Variants in LHFPL2 observed in about 807,000 individuals in gnomAD.
The protein encoded by LHFPL2 is LHFPL tetraspan subfamily member 2 protein.
In LHFPL2, 7 loss-of-function variants were observed where a neutral mutation model predicts 17.5. The observed-to-expected ratio is 0.40, with a 90% CI of 0.23 to 0.75. LHFPL2 has a LOEUF of 0.75. Among genes scored for constraint, LHFPL2 ranks in the 30% least tolerant of loss-of-function variants. LHFPL2 has a pLI of 0.37. For missense variants in LHFPL2, 241 were observed against 294.8 expected (o/e 0.82, Z 1.34); for synonymous variants, 134 against 116.2 (o/e 1.15, Z -0.99).
At chr5:78,581,419 G>A (rs1743133138) in intron 2 of LHFPL2, among the ~76,000 whole-genome samples, 1 of 152,138 alleles carries the variant, frequency 6.6e-6, no homozygotes, top group South Asian at 2.1e-4. Context: ...TATGATATTG[G>A]CTGTGGGTTT....
At chr5:78,597,747 C>T (rs1407696094) in intron 2 of LHFPL2, among the ~76,000 whole-genome samples, 1 of 152,122 alleles carries the variant, frequency 6.6e-6, no homozygotes, top group Non-Finnish European at 1.5e-5. Context: ...TGGTATGTTA[C>T]AGGAATAAGA....
At chr5:78,606,931 C>T (rs187495694) in intron 2 of LHFPL2, among the ~76,000 whole-genome samples, 2 of 151,654 alleles carry the variant, frequency 1.3e-5, no homozygotes, top group Non-Finnish European at 2.9e-5. Flanking sequence ...CCCGCCTTGG[C>T]CTCCCAAAGT....
chr5:78,523,907 C>T (rs1561320848), intron 3 of LHFPL2, among the ~76,000 whole-genome samples: 2 of 152,092 alleles, frequency 1.3e-5, no homozygotes, highest in African/African-American at 2.4e-5. Flanking sequence ...AGAATGTGAA[C>T]AATACAATGG....
At chr5:78,645,829 C>T (rs1469227652) in intron 1 of LHFPL2, among the ~76,000 whole-genome samples, 1 of 152,314 alleles carries the variant, frequency 6.6e-6, no homozygotes, top group African/African-American at 2.4e-5. Flanking sequence ...GATCCACCCA[C>T]CTCAGCCCCC....
At chr5:78,600,739 A>C (rs1387631805) in intron 2 of LHFPL2, among the ~76,000 whole-genome samples, 1 of 152,178 alleles carries the variant, frequency 6.6e-6, no homozygotes, top group Non-Finnish European at 1.5e-5. Flanking sequence ...AAAATAAATA[A>C]ATAAAGCTTT....
At chr5:78,599,858 C>A (rs1216064227) in intron 2 of LHFPL2, among the ~76,000 whole-genome samples, 1 of 152,030 alleles carries the variant, frequency 6.6e-6, no homozygotes, top group Non-Finnish European at 1.5e-5. Context: ...AACTATTCCC[C>A]AAATTATTGG....
chr5:78,515,376 T>A (rs2112332625), intron 3 of LHFPL2, among the ~76,000 whole-genome samples: 1 of 152,338 alleles, frequency 6.6e-6, no homozygotes, highest in Non-Finnish European at 1.5e-5. Flanking sequence ...TGATTTCATT[T>A]CAACTTGTTC....
At chr5:78,608,147 C>T (rs940698544) in intron 2 of LHFPL2, among the ~76,000 whole-genome samples, 4 of 152,186 alleles carry the variant, frequency 2.6e-5, no homozygotes, top group Admixed American at 2.6e-4. Context: ...AAAACCCTCA[C>T]AGACTGAAAG....
chr5:78,583,706 G>T (rs1332573001), intron 2 of LHFPL2, among the ~76,000 whole-genome samples: 12 of 151,974 alleles, frequency 7.9e-5, no homozygotes, highest in African/African-American at 2.9e-4. Context: ...CTCTCTGGCT[G>T]CCCTTAACAT....
intron 1 of LHFPL2, among the ~76,000 whole-genome samples, chr5:78,645,548 A>G (rs1300092846): frequency 8.3e-4 from 16 of 19,248 alleles, no homozygotes; most frequent in African/African-American, 2.9e-3. Context: ...ATGCATACAC[A>G]CACACACACA....
intron 1 of LHFPL2, among the ~76,000 whole-genome samples, chr5:78,635,599 G>T: frequency 6.6e-6 from 1 of 152,180 alleles, no homozygotes; most frequent in Non-Finnish European, 1.5e-5. Flanking sequence ...TCAGGAGATC[G>T]AGACCATCCT....
intron 1 of LHFPL2, among the ~76,000 whole-genome samples, chr5:78,642,710 G>T (rs916974559): frequency 6.6e-6 from 1 of 152,026 alleles, no homozygotes; most frequent in Non-Finnish European, 1.5e-5. Flanking sequence ...CCCACTTTTT[G>T]CTGGACATCT....
At chr5:78,553,502 T>A (rs182928252) in intron 3 of LHFPL2, among the ~76,000 whole-genome samples, 29 of 152,326 alleles carry the variant, frequency 1.9e-4, no homozygotes, top group African/African-American at 6.7e-4. Context: ...TCTAAGTGAT[T>A]AAATATCTGT....
chr5:78,618,773 T>C (rs1194712338), intron 2 of LHFPL2, among the ~76,000 whole-genome samples: 1 of 152,124 alleles, frequency 6.6e-6, no homozygotes, highest in Non-Finnish European at 1.5e-5. Context: ...AGCCATACCG[T>C]ATATAAATTC....
chr5:78,563,179 G>A (rs953526314), intron 3 of LHFPL2, among the ~76,000 whole-genome samples: 10 of 152,146 alleles, frequency 6.6e-5, no homozygotes, highest in African/African-American at 2.4e-4. Flanking sequence ...CAACCCCAGT[G>A]TCATCTAGCT....
Position 78,510,307 on chromosome 5 carries a change from G to A in LHFPL2, c.-94C>T, listed in dbSNP as rs898611731. 3.9e-6 allele frequency: 5 copies of A among 1,267,870 alleles called. No individual in the cohort carries two copies. The African/African-American group carries it at 7.5e-5, about 19-fold the overall frequency. The allele number at this position is 1,267,870 out of a possible 1,614,324, so 78.5% of individuals were successfully genotyped here. A position where few individuals can be genotyped will look rare whatever the true frequency, so the allele number is the denominator to read the frequency against. ...AAGGAGGCTCGGGCGGCCCGGGAAGGAAGTCGCAGCTGCAGTCATTCACTC... is the reference window on the plus strand; with the variant it reads ...AAGGAGGCTCGGGCGGCCCGGGAAGAAAGTCGCAGCTGCAGTCATTCACTC... On this transcript the variant is annotated 5_prime_UTR_variant, in exon 4 of 5. Transcript: ENST00000380345.
Position 78,568,580 on chromosome 5 carries a change from G to A in LHFPL2, c.-244-3709C>T, listed in dbSNP as rs115141895. Reference sequence around the variant, plus strand: ...TGTTTCATGTTACTCTGTAAAACTAGAACCAAGGAGTGAAAATTACCTTGG... The same window carrying A: ...TGTTTCATGTTACTCTGTAAAACTAAAACCAAGGAGTGAAAATTACCTTGG... On this transcript the variant is annotated intron_variant, in intron 2 of 4. Transcript: ENST00000380345. Among the ~76,000 whole-genome samples the A allele has an allele frequency of 2.6e-3, 390 of 152,328 alleles. 2 individuals carry two copies. The highest frequency in any genetic ancestry group is 9.1e-3 in the African/African-American group (378 of 41,578).
At chr5:78,519,872 C>T (rs142927215) in intron 3 of LHFPL2, among the ~76,000 whole-genome samples, 139 of 152,338 alleles carry the variant, frequency 9.1e-4, no homozygotes, top group African/African-American at 3.2e-3. Flanking sequence ...AGGTAATTAG[C>T]CTTTCCTTCA....
intron 3 of LHFPL2, among the ~76,000 whole-genome samples, chr5:78,539,415 C>T (rs371328133): frequency 1.3e-5 from 2 of 152,174 alleles, no homozygotes; most frequent in African/African-American, 4.8e-5. Context: ...AGCCTGTTTC[C>T]TTATCTGTGA....
Sources: allele counts gnomAD v4.1 joint callset (sites outside exome capture counted in the v4.1 genomes callset), GRCh38; gene constraint gnomAD v4.1.1; transcripts MANE v1.5; gene names NCBI Gene and HGNC (gene_info 2026-07-23, HGNC 2026-07-21).